CPLANE1: variants seen among roughly 807,000 people sequenced by gnomAD.
CPLANE1 encodes the protein ciliogenesis and planar polarity effector 1.
Under a neutral mutation model 362.5 loss-of-function variants are expected in CPLANE1, and 263 were observed. That is an observed-to-expected ratio of 0.73 (90% CI 0.66 to 0.80). The LOEUF (loss-of-function observed/expected upper bound fraction) is 0.80. Ranked by LOEUF, CPLANE1 falls within the 30% of genes least tolerant of loss-of-function variation. The probability of loss-of-function intolerance (pLI) is 0.00; values close to 1 mark genes in which losing one functional copy is unlikely to be tolerated. For missense variants in CPLANE1, 3,461 were observed against 3,793.4 expected, an observed-to-expected ratio of 0.91 and a Z score of 2.30; for synonymous variants, 1,212 against 1,302.6, an observed-to-expected ratio of 0.93 and a Z score of 1.50.
rs760471892 is a variant in CPLANE1 at position 37,179,422 on chromosome 5, C to T, written c.5759G>A (p.Gly1920Glu). 1 of 1,612,738 alleles carries T rather than the reference C, an allele frequency of 6.2e-7. No individual in the cohort carries two copies. Among genetic ancestry groups the T allele is most frequent in the Non-Finnish European group, 8.5e-7 (1 of 1,179,188 alleles). Residue 1920 changes from glycine (G) to glutamate (E), a missense_variant, in exon 29 of 53, where the codon GGA becomes GAA. By Grantham distance (98) the Gly-to-Glu change is moderately conservative. This residue lies in a region of CPLANE1 where 3,380 missense variants were observed against 3,666.1 expected (regional missense o/e 0.92). Transcript: ENST00000651892. ...DYEEDIEESVGGFRSPSLAIC... is the reference protein window; with the variant it reads ...DYEEDIEESVEGFRSPSLAIC... The stretch of plus-strand genomic sequence containing the variant: ...GGCAAGACTGGGACTTCTGAAACCT[C>T]CAACAGATTCTTCAATGTCTTCTAG...
chr5:37,198,484 A>G (rs181101043), intron 20 of CPLANE1, among the ~76,000 whole-genome samples: 13 of 152,218 alleles, frequency 8.5e-5, no homozygotes, highest in African/African-American at 2.9e-4. Context: ...AGATTACACT[A>G]TCTTTTGCTA....
In CPLANE1 at chr5:37,247,613, C is replaced by A. The variant is rs1057523306; in HGVS notation, c.81+5G>T. ...CTGGTATTGCATGAATAAAGAAAAA[C>A]CTACCTTTCCCAACCAGGAGACACG... is the stretch of plus-strand genomic sequence containing the variant. On this transcript the variant is annotated splice_donor_5th_base_variant and intron_variant, in intron 2 of 52. Transcript: ENST00000651892. 21 of 1,549,532 alleles carry A rather than the reference C, an allele frequency of 1.4e-5. No individual in the cohort carries two copies. Among genetic ancestry groups the A allele is most frequent in the Non-Finnish European group, 1.7e-5 (19 of 1,145,930 alleles).
chr5:37,183,720 AAGACAAAATTAG>A, intron 25 of CPLANE1, 21 bp from the exon 26 acceptor site: 1 of 1,483,006 alleles, frequency 6.7e-7, no homozygotes, highest in Admixed American at 2.2e-5. Context: ...AAAATAAAAT[AAGACAAAATTAG>A]AGATCATTTA....
rs1453405760 is a variant in CPLANE1 at position 37,106,942 on chromosome 5, G to A, written c.*660C>T. On this transcript the variant is annotated 3_prime_UTR_variant, in exon 53 of 53. Coordinates refer to ENST00000651892, the MANE Select transcript of CPLANE1 (RefSeq NM_001384732.1). ...TGTACCATGGTTCTTACAAATTTAA[G>A]ATGAGCCTTCTAGAGGCCGGAGTCA... is the stretch of plus-strand genomic sequence containing the variant. 2.0e-6 allele frequency: 2 copies of A among 985,250 alleles called. No homozygotes were observed. Among genetic ancestry groups the A allele is most frequent in the Admixed American group, 6.2e-5 (1 of 16,258 alleles). The allele number at this position is 985,250 out of a possible 1,614,324, so 61.0% of individuals were successfully genotyped here. A position where few individuals can be genotyped will look rare whatever the true frequency, so the allele number is the denominator to read the frequency against.
At chr5:37,156,333 G>A (rs929945679) in intron 41 of CPLANE1, among the ~76,000 whole-genome samples, 3 of 152,210 alleles carry the variant, frequency 2.0e-5, no homozygotes, top group Non-Finnish European at 4.4e-5. Context: ...GCTGGGTGTG[G>A]TGGCTCATGC....
At chr5:37,166,981 G>A (rs1778415833) in intron 35 of CPLANE1, 66 bp downstream of exon 35, 2 of 1,289,446 alleles carry the variant, frequency 1.6e-6, no homozygotes, top group East Asian at 4.6e-5. Flanking sequence ...ATTACTGTGT[G>A]ATTATAAATA....
Position 37,165,690 on chromosome 5 carries a change from T to C in CPLANE1, c.7401-19A>G, listed in dbSNP as rs1778060440. ...TCTTTGCCTGTTAAACATAATAGCATAAAACATACTTTTACAACTATAGCA... is the reference window on the plus strand; with the variant it reads ...TCTTTGCCTGTTAAACATAATAGCACAAAACATACTTTTACAACTATAGCA... On this transcript the variant is annotated intron_variant, in intron 35 of 52. Transcript: ENST00000651892. The C allele has an allele frequency of 6.3e-7, 1 of 1,582,490 alleles. No homozygotes were observed. The highest frequency in any genetic ancestry group is 1.2e-5 in the South Asian group (1 of 84,340).
In CPLANE1 at chr5:37,153,857, C is replaced by T. The variant is rs1774265936; in HGVS notation, c.8256G>A (p.Glu2752=). ...PAPSSAAHQL[E]HLSAKLQKID... ...TTTTCTGAAGCTTAGCACTGAGATGCTCTAGTTGGTGAGCTGCAGAGCTTG... is the reference window on the plus strand; with the variant it reads ...TTTTCTGAAGCTTAGCACTGAGATGTTCTAGTTGGTGAGCTGCAGAGCTTG... Residue 2752 remains glutamate (E), a synonymous_variant, in exon 42 of 53, where the codon GAG becomes GAA. Coordinates refer to ENST00000651892, the MANE Select transcript of CPLANE1 (RefSeq NM_001384732.1). 1.9e-6 allele frequency: 3 copies of T among 1,613,982 alleles called. No individual in the cohort carries two copies. The highest frequency in any genetic ancestry group is 2.2e-5 in the South Asian group (2 of 91,084).
chr5:37,113,194 A>G (rs1759842065), intron 51 of CPLANE1, among the ~76,000 whole-genome samples: 1 of 152,234 alleles, frequency 6.6e-6, no homozygotes, highest in Non-Finnish European at 1.5e-5. Flanking sequence ...TGTAGCTCCC[A>G]TAATTCCCAC....
chr5:37,121,694 A>C lies in CPLANE1; in HGVS notation c.9108T>G (p.Thr3036=). Residue 3036 remains threonine (T), a synonymous_variant, in exon 49 of 53, where the codon ACT becomes ACG. Coordinates refer to ENST00000651892, the MANE Select transcript of CPLANE1 (RefSeq NM_001384732.1). ...ELLSESVQLP[T]LPQKPLPNKP... ...TGTTAGGCAATGGTTTCTGTGGTAG[A>C]GTTGGTAGCTGTACTGACTCAGATA... 1 of 1,614,050 alleles carries C rather than the reference A, an allele frequency of 6.2e-7. No homozygotes were observed. The highest frequency in any genetic ancestry group is 8.5e-7 in the Non-Finnish European group (1 of 1,179,904).
At chr5:37,118,286 A>G (rs1761610771) in intron 50 of CPLANE1, among the ~76,000 whole-genome samples, 2 of 151,878 alleles carry the variant, frequency 1.3e-5, no homozygotes, top group African/African-American at 4.8e-5. Context: ...CACGCCTATA[A>G]TCACAGCTAC....
Position 37,185,136 on chromosome 5 carries a change from A to AT in CPLANE1, c.4190-58dup. On this transcript the variant is annotated intron_variant, in intron 24 of 52. Transcript: ENST00000651892. ...TCATTAAAATATTTCAATTCAAGAC[A>AT]TAGGAGACCCAACTCTGGTCCCTCC... 3 of 1,499,768 alleles carry AT rather than the reference A, an allele frequency of 2.0e-6. No homozygotes were observed. In the South Asian group the frequency reaches 4.1e-5, roughly 20 times the overall value. The allele number at this position is 1,499,768 out of a possible 1,614,324, so 92.9% of individuals were successfully genotyped here. A position where few individuals can be genotyped will look rare whatever the true frequency, so the allele number is the denominator to read the frequency against.
At chr5:37,077,858 C>T in the CPLANE1 span, among the ~76,000 whole-genome samples, 1,017 of 152,168 alleles carry the variant, frequency 6.7e-3, 9 homozygotes, top group African/African-American at 0.023. Context: ...TCAAGCGATC[C>T]TCCCACCTTG....
chr5:37,165,476 A>C, intron 36 of CPLANE1, 63 bp downstream of exon 36: 1 of 1,537,640 alleles, frequency 6.5e-7, no homozygotes, highest in Non-Finnish European at 8.9e-7. Flanking sequence ...GATAAACCAC[A>C]AAGACATACC....
In CPLANE1 at chr5:37,244,972, A is replaced by C. The variant is rs192583773; in HGVS notation, c.338-365T>G. On this transcript the variant is annotated intron_variant, in intron 4 of 52. Transcript: ENST00000651892. ...CAAGACCATCCTGGCTAACACGGTGAAACCCCGTCTCTACTAAAAATACAA... is the reference window on the plus strand; with the variant it reads ...CAAGACCATCCTGGCTAACACGGTGCAACCCCGTCTCTACTAAAAATACAA... Among the ~76,000 whole-genome samples, 956 of 152,022 alleles carry C rather than the reference A, an allele frequency of 6.3e-3. 6 individuals carry two copies. The highest frequency in any genetic ancestry group is 8.7e-3 in the Non-Finnish European group (590 of 67,972).
Position 37,177,630 on chromosome 5 carries a change from TCA to T in CPLANE1, c.5889_5890del (p.Glu1964ThrfsTer29). The T allele has an allele frequency of 6.2e-7, 1 of 1,613,352 alleles. No individual in the cohort carries two copies. The highest frequency in any genetic ancestry group is 8.5e-7 in the Non-Finnish European group (1 of 1,179,326). Reference sequence around the variant, plus strand: ...CTTTTTTCCCCCTTACCCTTTTTGTTCAGTCGATTTTTCCTCCATAATTGTCT... The same window carrying T: ...CTTTTTTCCCCCTTACCCTTTTTGTTGTCGATTTTTCCTCCATAATTGTCT... On this transcript the variant is annotated frameshift_variant, in exon 30 of 53. Coordinates refer to ENST00000651892, the MANE Select transcript of CPLANE1 (RefSeq NM_001384732.1). LOFTEE classifies it high-confidence loss of function.
chr5:37,167,619 A>T (rs1033814870), intron 34 of CPLANE1, among the ~76,000 whole-genome samples: 2 of 152,288 alleles, frequency 1.3e-5, no homozygotes, highest in Admixed American at 1.3e-4. Context: ...CCTACTAAAG[A>T]TATAAAAAAT....
intron 41 of CPLANE1, 54 bp downstream of exon 41, chr5:37,157,259 T>C: frequency 8.9e-7 from 1 of 1,127,802 alleles, no homozygotes; most frequent in Non-Finnish European, 1.2e-6. Flanking sequence ...GGTGCTTGTT[T>C]CCAATACAAC....
At chr5:37,172,095 A>T (rs1334990422) in intron 32 of CPLANE1, among the ~76,000 whole-genome samples, 1 of 152,144 alleles carries the variant, frequency 6.6e-6, no homozygotes, top group Non-Finnish European at 1.5e-5. Flanking sequence ...TACAGGTATG[A>T]GCCACCTCTT....
Sources: gnomAD v4.1 joint callset for allele counts (sites outside exome capture counted in the v4.1 genomes callset) on GRCh38, gnomAD v4.1.1 for gene constraint, gnomAD v4.1.1 regional missense constraint, MANE v1.5 for transcripts, NCBI Gene and HGNC (gene_info 2026-07-23, HGNC 2026-07-21) for gene names.